Variants in USHBP1 observed in about 807,000 individuals in gnomAD.
The protein encoded by USHBP1 is harmonin-binding protein USHBP1.
In USHBP1, 67 loss-of-function variants were observed where a neutral mutation model predicts 76.2. The ratio of observed to expected loss-of-function variants is 0.88; its 90% CI spans 0.72 to 1.08. USHBP1 has a LOEUF of 1.08. USHBP1 is among the 50% of genes least tolerant of loss of function. USHBP1 has a pLI of 0.00. For synonymous variants in USHBP1, 322 were observed against 362.2 expected (o/e 0.89, Z 1.26); for missense variants, 931 against 915.0 (o/e 1.02, Z -0.23).
chr19:17,254,765 C>T (rs1321301911), intron 10 of USHBP1, among the ~76,000 whole-genome samples: 1 of 151,978 alleles, frequency 6.6e-6, no homozygotes, highest in Non-Finnish European at 1.5e-5. Flanking sequence ...GATCCTCCCA[C>T]CTCAGCCACC....
intron 10 of USHBP1, among the ~76,000 whole-genome samples, chr19:17,254,246 CG>C (rs1255536728): frequency 6.6e-6 from 1 of 151,458 alleles, no homozygotes; most frequent in Non-Finnish European, 1.5e-5. Flanking sequence ...ACTCGGCAGG[CG>C]GAGGCAGGAG....
chr19:17,261,702 A>G (rs1278677583), intron 4 of USHBP1, among the ~76,000 whole-genome samples: 2 of 150,502 alleles, frequency 1.3e-5, no homozygotes, highest in African/African-American at 4.9e-5. Context: ...CAGTGGTGAA[A>G]TCTCGGCTCA....
chr19:17,263,716 G>A, intron 3 of USHBP1: 1 of 330,676 alleles, frequency 3.0e-6, no homozygotes, highest in Non-Finnish European at 5.5e-6. Flanking sequence ...CACTAAAAAT[G>A]CAAAACTTAG....
At chr19:17,251,823 C>A in intron 11 of USHBP1, 88 bp downstream of exon 11, 1 of 1,548,048 alleles carries the variant, frequency 6.5e-7, no homozygotes, top group Non-Finnish European at 8.7e-7. Context: ...CGGGGTACAC[C>A]TTAGCTTCTA....
At chr19:17,263,812 G>T in intron 3 of USHBP1, 190 bp downstream of exon 3, 1 of 697,780 alleles carries the variant, frequency 1.4e-6, no homozygotes, top group Non-Finnish European at 2.2e-6. Flanking sequence ...GTTGCTGTGA[G>T]CCGAGATTGT....
Position 17,262,678 on chromosome 19 carries a change from CTCT to C in USHBP1, c.513_515del (p.Glu172del). On this transcript the variant is annotated inframe_deletion, in exon 4 of 13. Coordinates refer to ENST00000252597, the MANE Select transcript of USHBP1 (RefSeq NM_031941.4). The stretch of plus-strand genomic sequence containing the variant: ...CATTCCTCTCGGCCAGGCGAGCTGC[CTCT>C]CGCTGGCAGCTCCCTGCCCCTTCCT... 1 of 1,614,120 alleles carries C rather than the reference CTCT, an allele frequency of 6.2e-7. No individual in the cohort carries two copies.
At chr19:17,257,076 A>G (rs1340535980) in intron 8 of USHBP1, among the ~76,000 whole-genome samples, 1 of 146,046 alleles carries the variant, frequency 6.8e-6, no homozygotes, top group African/African-American at 2.6e-5. Flanking sequence ...GCTGGAGTGC[A>G]GTGGCATAAC....
intron 7 of USHBP1, chr19:17,258,708 C>CAAA (rs34398867): frequency 1.1e-3 from 101 of 95,946 alleles, no homozygotes; most frequent in South Asian, 2.1e-3. Context: ...GACTCTGTCT[C>CAAA]AAAAAAAAAA....
intron 12 of USHBP1, 49 bp downstream of exon 12, chr19:17,251,533 T>A (rs765391505): frequency 6.2e-7 from 1 of 1,608,138 alleles, no homozygotes; most frequent in Non-Finnish European, 8.5e-7. Context: ...TCTGATATCC[T>A]GGTGGGGGAT....
At chr19:17,259,450 G>C in intron 6 of USHBP1, 21 bp from the exon 7 acceptor site, 3 of 1,613,816 alleles carry the variant, frequency 1.9e-6, no homozygotes, top group Non-Finnish European at 2.5e-6. Flanking sequence ...AGGTGGGGAA[G>C]AGGGAAAGTC....
chr19:17,256,807 T>C, intron 8 of USHBP1, 87 bp from the exon 9 acceptor site: 1 of 1,571,340 alleles, frequency 6.4e-7, no homozygotes, highest in South Asian at 1.2e-5. Flanking sequence ...GTCCATCACC[T>C]TCCATCTCAC....
Position 17,264,283 on chromosome 19 carries a change from G to T in USHBP1, c.17C>A (p.Thr6Lys). 6.2e-7 allele frequency: 1 copy of T among 1,613,016 alleles called. No individual in the cohort carries two copies. Among genetic ancestry groups the T allele is most frequent in the Non-Finnish European group, 8.5e-7 (1 of 1,179,794 alleles). ...CCTCCCTCGCCGGCTTCGGGGCCGCGTGGCCCGGGCACTCATTGCTGTCCA... is the reference window on the plus strand; with the variant it reads ...CCTCCCTCGCCGGCTTCGGGGCCGCTTGGCCCGGGCACTCATTGCTGTCCA... MSARA[T>K]RPRSRRGRHA... Residue 6 changes from threonine to lysine, a missense_variant, in exon 2 of 13, where the codon ACG becomes AAG. Physicochemically the swap from Thr to Lys is moderately conservative, Grantham distance 78. Coordinates refer to ENST00000252597, the MANE Select transcript of USHBP1 (RefSeq NM_031941.4).
intron 4 of USHBP1, among the ~76,000 whole-genome samples, chr19:17,260,296 G>A (rs2073672220): frequency 6.6e-6 from 1 of 152,170 alleles, no homozygotes; most frequent in Non-Finnish European, 1.5e-5. Context: ...TAAGATGAGG[G>A]CTTCCCTCTC....
At chr19:17,263,871 AAAAG>A (rs1283349618) in intron 3 of USHBP1, 127 bp downstream of exon 3, 2 of 1,302,656 alleles carry the variant, frequency 1.5e-6, no homozygotes, top group East Asian at 2.6e-5. Flanking sequence ...ACTCAAAAAA[AAAAG>A]AAAGTCAGGC....
Position 17,255,563 on chromosome 19 carries a change from C to CG in USHBP1, c.1513dup (p.Arg505ProfsTer2). 1.2e-6 allele frequency: 2 copies of CG among 1,613,038 alleles called. No individual in the cohort carries two copies. The highest frequency in any genetic ancestry group is 3.3e-4 in the Middle Eastern group (2 of 6,028). ...CCGCAGCTCTAGGCCCCGCTTCTCA[C>CG]GCCGCACCAGCTGCAGCCGAAGCAT... On this transcript the variant is annotated frameshift_variant, in exon 10 of 13. Transcript: ENST00000252597. LOFTEE classifies it high-confidence loss of function.
In USHBP1 at chr19:17,256,625, A is replaced by T. The variant is rs1599470403; in HGVS notation, c.1316T>A (p.Met439Lys). The T allele has an allele frequency of 1.9e-6, 3 of 1,614,194 alleles. No individual in the cohort carries two copies. The highest frequency in any genetic ancestry group is 2.5e-6 in the Non-Finnish European group (3 of 1,180,030). The stretch of plus-strand genomic sequence containing the variant: ...GGGGCCAGGCTCTGAGAGAATCTTC[A>T]TTAGAGAACGGCGCTCCTGGAGACG... The part of the protein sequence containing the change: ...VQRLQERRSL[M>K]KILSEPGPTL... Residue 439 changes from methionine (M) to lysine (K), a missense_variant, in exon 9 of 13, where the codon ATG (methionine) becomes AAG (lysine). Physicochemically the swap from Met to Lys is moderately conservative, Grantham distance 95. Coordinates refer to ENST00000252597, the MANE Select transcript of USHBP1 (RefSeq NM_031941.4).
chr19:17,250,949 C>G (rs956315428), intron 12 of USHBP1, among the ~76,000 whole-genome samples: 4 of 152,116 alleles, frequency 2.6e-5, no homozygotes, highest in Non-Finnish European at 5.9e-5. Flanking sequence ...CAACCTCTGC[C>G]TCCCGGGTTC....
Position 17,264,235 on chromosome 19 carries a change from G to A in USHBP1, c.54+11C>T, listed in dbSNP as rs763077588. On this transcript the variant is annotated intron_variant, in intron 2 of 12. Transcript: ENST00000252597. ...AGGATCTGGGTGTGGAGGGGAGAGG[G>A]TGACACTTACGGGTGGAGCATGCCT... 1.2e-6 allele frequency: 2 copies of A among 1,613,912 alleles called. No individual in the cohort carries two copies. The highest frequency in any genetic ancestry group is 8.5e-7 in the Non-Finnish European group (1 of 1,179,930).
chr19:17,253,187 C>T (rs1442115345), intron 10 of USHBP1, among the ~76,000 whole-genome samples: 1 of 151,940 alleles, frequency 6.6e-6, no homozygotes, highest in Non-Finnish European at 1.5e-5. Flanking sequence ...CGAGGATGGT[C>T]TCGATCTCCT....
Sources: gnomAD v4.1 joint callset for allele counts (sites outside exome capture counted in the v4.1 genomes callset) on GRCh38, gnomAD v4.1.1 for gene constraint, MANE v1.5 for transcripts, NCBI Gene and HGNC (gene_info 2026-07-23, HGNC 2026-07-21) for gene names.